The following PTPN12 variants were observed in gnomAD, a reference collection of about 807,000 sequenced individuals.
PTPN12 encodes the protein protein tyrosine phosphatase non-receptor type 12.
Under a neutral mutation model 97.6 loss-of-function variants are expected in PTPN12, and 29 were observed. The observed-to-expected ratio is 0.30, with a 90% CI of 0.22 to 0.41. The LOEUF (loss-of-function observed/expected upper bound fraction) is 0.41. Ranked by LOEUF, PTPN12 falls within the 10% of genes least tolerant of loss-of-function variation. PTPN12 has a pLI of 1.00. For synonymous variants in PTPN12, 327 were observed against 300.4 expected (o/e 1.09, Z -0.91); for missense variants, 819 against 926.0 (o/e 0.88, Z 1.50).
intron 1 of PTPN12, among the ~76,000 whole-genome samples, chr7:77,541,525 A>G (rs778783117): frequency 6.6e-6 from 1 of 152,230 alleles, no homozygotes; most frequent in Non-Finnish European, 1.5e-5. Flanking sequence ...TCACTGTTGC[A>G]TAAGATAGCT....
intron 11 of PTPN12, among the ~76,000 whole-genome samples, chr7:77,615,733 A>G (rs1788729118): frequency 6.6e-6 from 1 of 152,310 alleles, no homozygotes; most frequent in South Asian, 2.1e-4. Context: ...TTTAATTCCT[A>G]AAATTCTTTT....
chr7:77,619,004 AATC>A (rs1274532743), intron 12 of PTPN12, among the ~76,000 whole-genome samples: 1 of 152,186 alleles, frequency 6.6e-6, no homozygotes, highest in Non-Finnish European at 1.5e-5. Flanking sequence ...TAATAGTTAA[AATC>A]ATATATATTC....
chr7:77,542,046 G>T (rs1217970128), intron 1 of PTPN12, among the ~76,000 whole-genome samples: 1 of 152,170 alleles, frequency 6.6e-6, no homozygotes, highest in Non-Finnish European at 1.5e-5. Context: ...ATGGCTGGGG[G>T]TTGGGGAGGT....
At position 77,626,372 on chromosome 7, in the gene PTPN12, A is replaced by G. The variant is rs193177842; in HGVS notation, c.1026-333A>G. ...AAGTCAGTAGAAAATGTGTGAAACA[A>G]AGATCAAGAAATAACTTTTGAAATA... On this transcript the variant is annotated intron_variant, in intron 12 of 17. Transcript: ENST00000248594. Among the ~76,000 whole-genome samples the G allele has an allele frequency of 2.0e-4, 30 of 152,362 alleles. 1 individual carries two copies. The East Asian group carries it at 4.6e-3, about 23-fold the overall frequency.
At chr7:77,574,086 A>G (rs1168974537) in intron 2 of PTPN12, among the ~76,000 whole-genome samples, 3 of 152,224 alleles carry the variant, frequency 2.0e-5, no homozygotes, top group Admixed American at 6.5e-5. Context: ...ACAAACTGGC[A>G]AAAATCCCTG....
intron 1 of PTPN12, among the ~76,000 whole-genome samples, chr7:77,554,221 T>A (rs1205172286): frequency 6.6e-6 from 1 of 152,244 alleles, no homozygotes; most frequent in East Asian, 1.9e-4. Context: ...TGCCTTGGCT[T>A]CCCAAAGTAT....
intron 9 of PTPN12, among the ~76,000 whole-genome samples, chr7:77,609,566 G>A (rs1483672615): frequency 6.7e-6 from 1 of 150,300 alleles, no homozygotes; most frequent in Non-Finnish European, 1.5e-5. Context: ...CACTGCACCC[G>A]GCCTAGTTGT....
At chr7:77,589,769 T>C (rs1156939738) in intron 5 of PTPN12, among the ~76,000 whole-genome samples, 1 of 152,160 alleles carries the variant, frequency 6.6e-6, no homozygotes, top group Admixed American at 6.6e-5. Flanking sequence ...ATTAATATTA[T>C]TAATCAATTG....
intron 6 of PTPN12, among the ~76,000 whole-genome samples, chr7:77,594,397 C>G (rs1787960885): frequency 6.6e-6 from 1 of 152,172 alleles, no homozygotes; most frequent in Non-Finnish European, 1.5e-5. Context: ...AAATACCAAC[C>G]CTCCTTCACC....
intron 13 of PTPN12, among the ~76,000 whole-genome samples, chr7:77,630,197 ATTTAC>A (rs1288253674): frequency 1.3e-5 from 2 of 152,070 alleles, no homozygotes; most frequent in Admixed American, 6.6e-5. Context: ...CATATGGATT[ATTTAC>A]TTTATAGATT....
At chr7:77,566,596 A>G (rs146118467) in intron 1 of PTPN12, among the ~76,000 whole-genome samples, 20 of 152,242 alleles carry the variant, frequency 1.3e-4, no homozygotes, top group East Asian at 5.8e-4. Flanking sequence ...GTGCGTGCCT[A>G]TAGTCCCAGC....
chr7:77,593,648 C>T (rs1037691752), intron 6 of PTPN12, among the ~76,000 whole-genome samples: 5 of 152,194 alleles, frequency 3.3e-5, no homozygotes, highest in Non-Finnish European at 7.3e-5. Flanking sequence ...TTCAGGCCTT[C>T]AACAGATTGG....
At chr7:77,585,441 A>T (rs1214966590) in intron 4 of PTPN12, 102 bp from the exon 5 acceptor site, 1 of 986,152 alleles carries the variant, frequency 1.0e-6, no homozygotes. Context: ...CAAGCCAATT[A>T]TACTTCTCGG....
At chr7:77,613,602 C>A (rs935831161) in intron 11 of PTPN12, among the ~76,000 whole-genome samples, 6 of 151,932 alleles carry the variant, frequency 3.9e-5, no homozygotes, top group African/African-American at 1.5e-4. Flanking sequence ...GCCTGGAATC[C>A]CAGCACTTTG....
chr7:77,582,725 A>G (rs1294005976), intron 3 of PTPN12, among the ~76,000 whole-genome samples: 1 of 151,554 alleles, frequency 6.6e-6, no homozygotes, highest in Admixed American at 6.6e-5. Context: ...TGGAAGTTGC[A>G]GTAAGCCGAG....
chr7:77,586,813 A>T (rs1181101489), intron 5 of PTPN12, among the ~76,000 whole-genome samples: 1 of 152,218 alleles, frequency 6.6e-6, no homozygotes, highest in Non-Finnish European at 1.5e-5. Context: ...TGCTCACAGC[A>T]TCTTCACCAA....
At chr7:77,561,549 C>T (rs917787) in intron 1 of PTPN12, among the ~76,000 whole-genome samples, 109,789 of 151,972 alleles carry the variant, frequency 0.72, 41,064 homozygotes, top group East Asian at 0.9. Flanking sequence ...TTCCATATAG[C>T]GGTCAATAAG....
chr7:77,628,657 C>T (rs934914359), intron 13 of PTPN12, among the ~76,000 whole-genome samples: 1 of 151,000 alleles, frequency 6.6e-6, no homozygotes, highest in Non-Finnish European at 1.5e-5. Flanking sequence ...CTCGGCTCAG[C>T]CTCCCAAGTA....
intron 1 of PTPN12, among the ~76,000 whole-genome samples, 197 bp downstream of exon 1, chr7:77,537,842 C>G (rs1345443829): frequency 6.6e-6 from 1 of 151,914 alleles, no homozygotes; most frequent in African/African-American, 2.4e-5. Context: ...CCTTTCTTCT[C>G]CCATGTTCGC....
Sources: gnomAD v4.1 joint callset for allele counts (sites outside exome capture counted in the v4.1 genomes callset) on GRCh38, gnomAD v4.1.1 for gene constraint, MANE v1.5 for transcripts, NCBI Gene and HGNC (gene_info 2026-07-23, HGNC 2026-07-21) for gene names.